Variants in NBEAL2 observed in about 807,000 individuals in gnomAD.
NBEAL2 encodes the protein neurobeachin like 2, also known as neurobeachin-like protein 2.
NBEAL2 carries 160 observed loss-of-function variants against 299.8 expected under a neutral mutation model. That is an observed-to-expected ratio of 0.53 (90% CI 0.47 to 0.61). The LOEUF is 0.61. NBEAL2 is among the 20% of genes least tolerant of loss of function. NBEAL2 has a pLI of 0.00. For missense variants in NBEAL2, 3,112 were observed against 3,649.0 expected (o/e 0.85, Z 3.79); for synonymous variants, 1,493 against 1,542.3 (o/e 0.97, Z 0.75).
In NBEAL2 at chr3:46,998,798, G is replaced by T. The variant is rs751121980; in HGVS notation, c.3303G>T (p.Leu1101=). 24 of 1,566,470 alleles carry T rather than the reference G, an allele frequency of 1.5e-5. No individual in the cohort carries two copies. The Admixed American group carries it at 4.4e-4, about 29-fold the overall frequency. The change falls in exon 23 of 54, where the codon CTG becomes CTT. Residue 1101 remains leucine, a synonymous_variant. Transcript: ENST00000450053. ...TSLLGLAREF[L]VRSLSADDVQ... ...TCCTGGGCCTGGCGAGGGAGTTCCTGGTGCGGAGTCTCTCAGCAGATGACG... is the reference window on the plus strand; with the variant it reads ...TCCTGGGCCTGGCGAGGGAGTTCCTTGTGCGGAGTCTCTCAGCAGATGACG...
At chr3:47,007,408 C>G in intron 47 of NBEAL2, 58 bp downstream of exon 47, 1 of 1,557,016 alleles carries the variant, frequency 6.4e-7, no homozygotes. Flanking sequence ...CGGAATTATT[C>G]CCCTCCCTAA....
chr3:47,000,390 A>G lies in NBEAL2; in HGVS notation c.4291A>G (p.Thr1431Ala). Residue 1431 changes from threonine (T) to alanine (A), a missense_variant, in exon 27 of 54, where the codon ACC becomes GCC. Physicochemically the swap from Thr to Ala is moderately conservative, Grantham distance 58. This residue lies in a region of NBEAL2 where 2,243 missense variants were observed against 2,538.1 expected (regional missense o/e 0.88). Coordinates refer to ENST00000450053, the MANE Select transcript of NBEAL2 (RefSeq NM_015175.3). The surrounding 1 kb of genome is among the most constrained non-coding windows in gnomAD (Gnocchi z 4.5). ...PTISGDDTSN[T>A]SNPQQTSEEE... The stretch of plus-strand genomic sequence containing the variant: ...CATTAGCGGGGATGATACCTCGAAC[A>G]CCAGCAACCCACAGGTGAGGTGGGC... 6.4e-7 allele frequency: 1 copy of G among 1,572,856 alleles called. No homozygotes were observed. The highest frequency in any genetic ancestry group is 8.6e-7 in the Non-Finnish European group (1 of 1,156,386).
In NBEAL2 at chr3:46,999,087, A is replaced by G. The variant is rs2036746576; in HGVS notation, c.3513A>G (p.Ser1171=). 2 of 1,588,298 alleles carry G rather than the reference A, an allele frequency of 1.3e-6. No homozygotes were observed. Residue 1171 remains serine (S), a synonymous_variant, in exon 24 of 54, where the codon TCA becomes TCG. Transcript: ENST00000450053. ...TGGCCCTGCTAGTGCGGCCAGGGTC[A>G]CTGCCCCTGCTGCCCGATCGAGTCT... ...VLLALLVRPG[S]LPLLPDRVCK...
In NBEAL2 at chr3:46,992,491, G is replaced by A. The variant is rs757045961; in HGVS notation, c.1049G>A (p.Arg350Gln). Residue 350 changes from arginine (R) to glutamine (Q), a missense_variant, in exon 10 of 54, where the codon CGG (arginine) becomes CAG (glutamine). By Grantham distance (43) the Arg-to-Gln change is conservative. Transcript: ENST00000450053. ...IQNSKLYLQSRAPPEGDSDLA... is the reference protein window; with the variant it reads ...IQNSKLYLQSQAPPEGDSDLA... The stretch of plus-strand genomic sequence containing the variant: ...TCCCCACAGCTGTACCTGCAGTCCC[G>A]GGCGCCCCCCGAGGGGGACAGTGAC... 51 of 1,605,866 alleles carry A rather than the reference G, an allele frequency of 3.2e-5. No homozygotes were observed. Among genetic ancestry groups the A allele is most frequent in the East Asian group, 6.7e-5 (3 of 44,478 alleles).
intron 1 of NBEAL2, among the ~76,000 whole-genome samples, chr3:46,980,924 G>T (rs2035285999): frequency 6.6e-6 from 1 of 152,184 alleles, no homozygotes; most frequent in Non-Finnish European, 1.5e-5. Context: ...TGAACAGTTT[G>T]TCAGTGGGGG....
rs2037300610 is a variant in NBEAL2, at chr3:47,004,789, C to T, written c.6295-183C>T. On this transcript the variant is annotated intron_variant, in intron 38 of 53. Coordinates refer to ENST00000450053, the MANE Select transcript of NBEAL2 (RefSeq NM_015175.3). This position sits in a 1 kb window ranked among gnomAD's most constrained non-coding sequence, Gnocchi z 5.0. Reference sequence around the variant, plus strand: ...CTCCCTTCCCCTCCCTGCCTAGCCTCTATTCCTCAAAAGGAATCCTGTTCC... The same window carrying T: ...CTCCCTTCCCCTCCCTGCCTAGCCTTTATTCCTCAAAAGGAATCCTGTTCC... The T allele has an allele frequency of 2.7e-6, 3 of 1,095,938 alleles. No individual in the cohort carries two copies. The highest frequency in any genetic ancestry group is 4.3e-5 in the Admixed American group (2 of 46,380). The allele number at this position is 1,095,938 out of a possible 1,614,324, so 67.9% of individuals were successfully genotyped here.
At position 46,996,960 on chromosome 3, in the gene NBEAL2, A is replaced by G; in HGVS notation, c.2563A>G (p.Lys855Glu). The G allele has an allele frequency of 2.5e-6, 4 of 1,613,190 alleles. No homozygotes were observed. The highest frequency in any genetic ancestry group is 3.4e-6 in the Non-Finnish European group (4 of 1,179,792). ...LLLHYSPQACKNNICLDLSPS... is the reference protein window; with the variant it reads ...LLLHYSPQACENNICLDLSPS... ...CCCATTCCCCTATCCCTAGGCTTGT[A>G]AGAACAACATCTGCCTGGACCTGTC... Residue 855 changes from lysine (K) to glutamate (E), a missense_variant, in exon 18 of 54, where the codon AAG (lysine) becomes GAG (glutamate). Transcript: ENST00000450053.
rs1032387718 is a variant in NBEAL2, at chr3:47,004,681, A to G, written c.6294+91A>G. 7.4e-7 allele frequency: 1 copy of G among 1,350,578 alleles called. No individual in the cohort carries two copies. Among genetic ancestry groups the G allele is most frequent in the African/African-American group, 1.4e-5 (1 of 69,504 alleles). The allele number at this position is 1,350,578 out of a possible 1,614,324, so 83.7% of individuals were successfully genotyped here. ...AGTGTAGGTACCTGCCAGTGGGCCA[A>G]GCTCTGAGCTTGGTCAAGGGTAGAT... is the stretch of plus-strand genomic sequence containing the variant. On this transcript the variant is annotated intron_variant, in intron 38 of 53. Coordinates refer to ENST00000450053, the MANE Select transcript of NBEAL2 (RefSeq NM_015175.3). This position sits in a 1 kb window ranked among gnomAD's most constrained non-coding sequence, Gnocchi z 5.0.
rs1270896174 is a variant in NBEAL2 at position 46,979,848 on chromosome 3, A to C, written c.-14A>C. On this transcript the variant is annotated 5_prime_UTR_variant, in exon 1 of 54. Transcript: ENST00000450053. ...GACAGGTGGCGCGCAGCAGGGCCGG[A>C]GCCGGGCCGGGCCATGGCCGCCTCG... The C allele has an allele frequency of 3.8e-5, 17 of 450,658 alleles. No individual in the cohort carries two copies. The highest frequency in any genetic ancestry group is 6.2e-5 in the African/African-American group (3 of 48,570). 27.9% of individuals were successfully genotyped at this position (450,658 alleles called of 1,614,324 possible). A position where few individuals can be genotyped will look rare whatever the true frequency, so the allele number is the denominator to read the frequency against.
In NBEAL2 at chr3:47,001,613, A is replaced by G; in HGVS notation, c.4645-76A>G. The G allele has an allele frequency of 1.9e-6, 3 of 1,590,012 alleles. No individual in the cohort carries two copies. The highest frequency in any genetic ancestry group is 2.6e-6 in the Non-Finnish European group (3 of 1,165,790). ...AAACCCTACCTGGCCCCCAGCGCAA[A>G]CTTTACTTTGCTCCCTTTCCATGGA... On this transcript the variant is annotated intron_variant, in intron 29 of 53. Transcript: ENST00000450053. This position sits in a 1 kb window ranked among gnomAD's most constrained non-coding sequence, Gnocchi z 6.1.
At position 46,991,227 on chromosome 3, in the gene NBEAL2, C is replaced by T; in HGVS notation, c.565C>T (p.Gln189Ter). The T allele has an allele frequency of 6.2e-7, 1 of 1,606,636 alleles. No individual in the cohort carries two copies. Among genetic ancestry groups the T allele is most frequent in the East Asian group, 2.2e-5 (1 of 44,540 alleles). ...EFSAFFQESL[Q>*]NADHLPPILL... The stretch of plus-strand genomic sequence containing the variant: ...CACACCCCCCTACCCAGAGAGCCTA[C>T]AGAATGCAGACCACTTGCCTCCCAT... Residue 189 changes from glutamine to a stop codon, truncating the protein, a stop_gained, in exon 7 of 54, where the codon CAG becomes TAG. Transcript: ENST00000450053. LOFTEE classifies it high-confidence loss of function. The surrounding 1 kb of genome is among the most constrained non-coding windows in gnomAD (Gnocchi z 6.2).
chr3:46,980,867 G>C (rs1422639879), intron 1 of NBEAL2, among the ~76,000 whole-genome samples: 1 of 152,188 alleles, frequency 6.6e-6, no homozygotes, highest in Non-Finnish European at 1.5e-5. Flanking sequence ...CTGGCATCAT[G>C]CTCCTGGCTC....
At chr3:46,984,030 G>T (rs1277010030) in intron 1 of NBEAL2, among the ~76,000 whole-genome samples, 1 of 151,932 alleles carries the variant, frequency 6.6e-6, no homozygotes, top group East Asian at 1.9e-4. Context: ...TCCAGGCGCG[G>T]TGTTTCACGC....
rs759211640 is a variant in NBEAL2 at position 47,003,221 on chromosome 3, G to A, written c.5632G>A (p.Val1878Met). ...PTEEASLPLAVTKEAKVSTPP... is the reference protein window; with the variant it reads ...PTEEASLPLAMTKEAKVSTPP... ...CGAGGAGGCCTCACTGCCTCTGGCA[G>A]TGACCAAAGAGGCCAAAGTGAGCAC... The change falls in exon 35 of 54, where the codon GTG becomes ATG. Residue 1878 changes from valine to methionine, a missense_variant. This residue lies in a region of NBEAL2 where 2,243 missense variants were observed against 2,538.1 expected (regional missense o/e 0.88). Transcript: ENST00000450053. This position sits in a 1 kb window ranked among gnomAD's most constrained non-coding sequence, Gnocchi z 7.0. The A allele has an allele frequency of 2.5e-6, 4 of 1,613,236 alleles. No individual in the cohort carries two copies. Among genetic ancestry groups the A allele is most frequent in the Non-Finnish European group, 3.4e-6 (4 of 1,179,802 alleles).
At position 46,995,343 on chromosome 3, in the gene NBEAL2, G is replaced by C. The variant is rs757617003; in HGVS notation, c.1608G>C (p.Leu536=). Residue 536 remains leucine, a synonymous_variant, in exon 13 of 54, where the codon CTG becomes CTC. Transcript: ENST00000450053. ...VSIRPMELRH[L]LRPRPGLDSE... is the part of the protein sequence containing the mutation. Reference sequence around the variant, plus strand: ...TAAGGCCCATGGAGCTGCGTCACCTGCTGCGCCCCCGGCCAGGATTGGACT... The same window carrying C: ...TAAGGCCCATGGAGCTGCGTCACCTCCTGCGCCCCCGGCCAGGATTGGACT... 1 of 1,608,294 alleles carries C rather than the reference G, an allele frequency of 6.2e-7. No homozygotes were observed. The highest frequency in any genetic ancestry group is 1.1e-5 in the South Asian group (1 of 90,462).
At position 46,989,686 on chromosome 3, in the gene NBEAL2, G is replaced by C. The variant is rs1414190082; in HGVS notation, c.556+93G>C. On this transcript the variant is annotated intron_variant, in intron 6 of 53. Transcript: ENST00000450053. This position sits in a 1 kb window ranked among gnomAD's most constrained non-coding sequence, Gnocchi z 5.5. ...ATCCTGCCATACACAGGAACCACTT[G>C]GTGGTGGCTGCATGCAGGACTGGGA... is the stretch of plus-strand genomic sequence containing the variant. 2.7e-5 allele frequency: 31 copies of C among 1,139,262 alleles called. No individual in the cohort carries two copies. The highest frequency in any genetic ancestry group is 4.0e-5 in the Non-Finnish European group (31 of 774,054). 70.6% of individuals were successfully genotyped at this position (1,139,262 alleles called of 1,614,324 possible).
rs2036894676 is a variant in NBEAL2, at chr3:47,000,486, C to G, written c.4305+82C>G. The G allele has an allele frequency of 5.3e-6, 8 of 1,502,948 alleles. No homozygotes were observed. The highest frequency in any genetic ancestry group is 7.1e-6 in the Non-Finnish European group (8 of 1,120,552). The allele number at this position is 1,502,948 out of a possible 1,614,324, so 93.1% of individuals were successfully genotyped here. A position where few individuals can be genotyped will look rare whatever the true frequency, so the allele number is the denominator to read the frequency against. On this transcript the variant is annotated intron_variant, in intron 27 of 53. Transcript: ENST00000450053. The surrounding 1 kb of genome is among the most constrained non-coding windows in gnomAD (Gnocchi z 4.5). The stretch of plus-strand genomic sequence containing the variant: ...ACACAGGGCTGGCAGTGTAGCCTCT[C>G]CAAAGGTGTGGCCCTGTCTGACCAG...
chr3:47,009,424 G>A lies in NBEAL2; in HGVS notation c.*104G>A, dbSNP rs2037733248. On this transcript the variant is annotated 3_prime_UTR_variant, in exon 54 of 54. Coordinates refer to ENST00000450053, the MANE Select transcript of NBEAL2 (RefSeq NM_015175.3). ...ACCCCGGGGTGGGCAGCCCAGGGGG[G>A]TGAGCGGGGCCCACCCTGCCCAGCT... is the stretch of plus-strand genomic sequence containing the variant. The A allele has an allele frequency of 3.1e-6, 3 of 955,704 alleles. No individual in the cohort carries two copies. Among genetic ancestry groups the A allele is most frequent in the African/African-American group, 1.6e-5 (1 of 61,602 alleles). The allele number at this position is 955,704 out of a possible 1,614,324, so 59.2% of individuals were successfully genotyped here. A position where few individuals can be genotyped will look rare whatever the true frequency, so the allele number is the denominator to read the frequency against.
At position 47,004,623 on chromosome 3, in the gene NBEAL2, G is replaced by A; in HGVS notation, c.6294+33G>A. 1 of 1,595,796 alleles carries A rather than the reference G, an allele frequency of 6.3e-7. No homozygotes were observed. The highest frequency in any genetic ancestry group is 1.1e-5 in the South Asian group (1 of 90,678). On this transcript the variant is annotated intron_variant, in intron 38 of 53. Transcript: ENST00000450053. This position sits in a 1 kb window ranked among gnomAD's most constrained non-coding sequence, Gnocchi z 5.0. ...TCCCACTCTGCACCCCTCCACCCCT[G>A]CCCCTCTGACCTGTCAGCCCTTGGT...
Sources: allele counts gnomAD v4.1 joint callset (sites outside exome capture counted in the v4.1 genomes callset), GRCh38; gene constraint gnomAD v4.1.1; regional missense constraint gnomAD v4.1.1; non-coding constraint Gnocchi (gnomAD v3.1); transcripts MANE v1.5; gene names NCBI Gene and HGNC (gene_info 2026-07-23, HGNC 2026-07-21).